The following ADAMTS17 variants were observed in gnomAD, a reference collection of about 807,000 sequenced individuals.
ADAMTS17 encodes A disintegrin and metalloproteinase with thrombospondin motifs 17.
A neutral mutation model predicts 141.5 loss-of-function variants in ADAMTS17; 113 were observed. The ratio of observed to expected loss-of-function variants is 0.80; its 90% CI spans 0.69 to 0.93. The LOEUF is 0.93. Ranked by LOEUF, ADAMTS17 falls within the 40% of genes least tolerant of loss-of-function variation. The pLI, the probability that ADAMTS17 is intolerant of heterozygous loss-of-function variation, is 0.00. For synonymous variants in ADAMTS17, 768 were observed against 630.6 expected (o/e 1.22, Z -3.27); for missense variants, 1,659 against 1,517.9 (o/e 1.09, Z -1.54).
intron 7 of ADAMTS17, among the ~76,000 whole-genome samples, chr15:100,231,598 C>G (rs1337618784): frequency 6.6e-6 from 1 of 152,204 alleles, no homozygotes; most frequent in East Asian, 1.9e-4. Context: ...GCTGATCAGA[C>G]TTGGGATAAA....
rs116924949 is a variant in ADAMTS17 at position 100,243,142 on chromosome 15, T to C, written c.1075+10994A>G. Among the ~76,000 whole-genome samples the C allele has an allele frequency of 4.6e-3, 706 of 152,358 alleles. 8 individuals carry two copies. Among genetic ancestry groups the C allele is most frequent in the Middle Eastern group, 0.01 (3 of 294 alleles). ...ATGTCCTCAAGGTTCATCCATATTA[T>C]AGCATGTGTCACTATCTCCTTCCTT... On this transcript the variant is annotated intron_variant, in intron 7 of 21. Coordinates refer to ENST00000268070, the MANE Select transcript of ADAMTS17 (RefSeq NM_139057.4).
At chr15:100,310,366 C>T (rs1348379334) in intron 3 of ADAMTS17, among the ~76,000 whole-genome samples, 1 of 152,220 alleles carries the variant, frequency 6.6e-6, no homozygotes, top group African/African-American at 2.4e-5. Flanking sequence ...GCAGTGGAAA[C>T]AGTTTATCTT....
rs76198338 is a variant in ADAMTS17, at chr15:100,051,780, C to T, written c.2296-49G>A. On this transcript the variant is annotated intron_variant, in intron 16 of 21. Coordinates refer to ENST00000268070, the MANE Select transcript of ADAMTS17 (RefSeq NM_139057.4). The stretch of plus-strand genomic sequence containing the variant: ...GCCATTTTGAAAAGGAAGGAAGGCC[C>T]GTGGGAATGCCGAATCTGCACACAC... 2,430 of 1,611,970 alleles carry T rather than the reference C, an allele frequency of 1.5e-3. 30 individuals carry two copies. In the African/African-American group the frequency reaches 0.029, roughly 19 times the overall value.
intron 8 of ADAMTS17, among the ~76,000 whole-genome samples, chr15:100,176,943 T>C (rs916031003): frequency 6.6e-6 from 1 of 152,396 alleles, no homozygotes; most frequent in Middle Eastern, 3.4e-3. Flanking sequence ...TGTGTGCCCA[T>C]AATTCATTCA....
intron 10 of ADAMTS17, among the ~76,000 whole-genome samples, chr15:100,136,660 T>A (rs1596529440): frequency 1.3e-5 from 2 of 152,046 alleles, no homozygotes; most frequent in African/African-American, 2.4e-5. Flanking sequence ...GGTCACAGAG[T>A]CTGAGCTGGG....
intron 7 of ADAMTS17, among the ~76,000 whole-genome samples, chr15:100,215,959 T>TA (rs2041956251): frequency 6.6e-6 from 1 of 152,152 alleles, no homozygotes; most frequent in Admixed American, 6.5e-5. Context: ...TCCTAACATA[T>TA]CCTCAGCTCC....
At chr15:100,218,993 T>A (rs2042052607) in intron 7 of ADAMTS17, among the ~76,000 whole-genome samples, 1 of 151,956 alleles carries the variant, frequency 6.6e-6, no homozygotes, top group African/African-American at 2.4e-5. Context: ...ACAAAAGGAG[T>A]GAAGTTCTGA....
intron 7 of ADAMTS17, among the ~76,000 whole-genome samples, chr15:100,227,071 C>T (rs191463052): frequency 6.6e-6 from 1 of 152,292 alleles, no homozygotes; most frequent in African/African-American, 2.4e-5. Flanking sequence ...TCCTCCCTCC[C>T]ACCATGATGA....
Position 99,974,127 on chromosome 15 carries a change from G to C in ADAMTS17, c.*275C>G, listed in dbSNP as rs2060269114. The C allele has an allele frequency of 3.8e-6, 2 of 522,512 alleles. No homozygotes were observed. The highest frequency in any genetic ancestry group is 4.1e-5 in the South Asian group (2 of 48,862). 32.4% of individuals were successfully genotyped at this position (522,512 alleles called of 1,614,324 possible). On this transcript the variant is annotated 3_prime_UTR_variant, in exon 22 of 22. Coordinates refer to ENST00000268070, the MANE Select transcript of ADAMTS17 (RefSeq NM_139057.4). ...TCTCTCTCTTGACGGTTGTCTGCCAGAGGTGCTTCCCTTCGAGGTACCTGA... is the reference window on the plus strand; with the variant it reads ...TCTCTCTCTTGACGGTTGTCTGCCACAGGTGCTTCCCTTCGAGGTACCTGA...
intron 18 of ADAMTS17, among the ~76,000 whole-genome samples, chr15:100,006,323 A>C (rs1163777433): frequency 6.6e-6 from 1 of 151,968 alleles, no homozygotes; most frequent in Non-Finnish European, 1.5e-5. Flanking sequence ...CCAACCACAC[A>C]CTCACTGCAT....
At chr15:100,169,776 G>A (rs1438375187) in intron 8 of ADAMTS17, among the ~76,000 whole-genome samples, 2 of 152,312 alleles carry the variant, frequency 1.3e-5, no homozygotes, top group African/African-American at 2.4e-5. Context: ...GTGGAAAGCC[G>A]GGGGCATCTG....
intron 8 of ADAMTS17, among the ~76,000 whole-genome samples, chr15:100,168,236 C>A (rs1373944612): frequency 6.6e-6 from 1 of 152,192 alleles, no homozygotes; most frequent in African/African-American, 2.4e-5. Flanking sequence ...GGAACCACCT[C>A]CTGGATTTTG....
intron 7 of ADAMTS17, among the ~76,000 whole-genome samples, chr15:100,204,770 A>G (rs1216542956): frequency 6.6e-6 from 1 of 152,200 alleles, no homozygotes; most frequent in Admixed American, 6.5e-5. Flanking sequence ...AGGGGTGGGA[A>G]AATCCTAACC....
intron 15 of ADAMTS17, among the ~76,000 whole-genome samples, chr15:100,086,810 C>G (rs900542111): frequency 6.6e-6 from 1 of 151,138 alleles, no homozygotes; most frequent in African/African-American, 2.5e-5. Context: ...AAAGACACAA[C>G]ATACCAGAAT....
intron 7 of ADAMTS17, among the ~76,000 whole-genome samples, chr15:100,247,943 T>A (rs989280252): frequency 1.3e-5 from 2 of 152,164 alleles, no homozygotes; most frequent in Non-Finnish European, 2.9e-5. Context: ...AGTGGGCACG[T>A]CTACCAAGCT....
chr15:99,978,701 C>T (rs771016606), intron 20 of ADAMTS17: 4 of 152,254 alleles, frequency 2.6e-5, no homozygotes, highest in Non-Finnish European at 4.4e-5. Context: ...CAACGCGACT[C>T]CCGCCCTGCT....
intron 4 of ADAMTS17, among the ~76,000 whole-genome samples, chr15:100,273,074 T>C (rs1257774827): frequency 1.3e-5 from 2 of 152,170 alleles, no homozygotes; most frequent in African/African-American, 2.4e-5. Flanking sequence ...CATTTTAATA[T>C]GCTATTGAAT....
At chr15:100,323,981 G>T (rs1390709495) in intron 3 of ADAMTS17, among the ~76,000 whole-genome samples, 1 of 151,492 alleles carries the variant, frequency 6.6e-6, no homozygotes, top group Non-Finnish European at 1.5e-5. Flanking sequence ...AGTGGGTGGA[G>T]GGGAGAACGC....
At chr15:99,983,192 G>C (rs937301891) in intron 20 of ADAMTS17, among the ~76,000 whole-genome samples, 1 of 152,176 alleles carries the variant, frequency 6.6e-6, no homozygotes, top group Non-Finnish European at 1.5e-5. Context: ...CCACCTGCCT[G>C]TCTGCTGTGT....
Sources: gnomAD v4.1 joint callset for allele counts (sites outside exome capture counted in the v4.1 genomes callset) on GRCh38, gnomAD v4.1.1 for gene constraint, MANE v1.5 for transcripts, NCBI Gene and HGNC (gene_info 2026-07-23, HGNC 2026-07-21) for gene names.